The following MROH9 variants were observed in gnomAD, a reference collection of about 807,000 sequenced individuals.
MROH9 encodes the protein maestro heat like repeat family member 9.
Under a neutral mutation model 98.2 loss-of-function variants are expected in MROH9, and 92 were observed. The observed-to-expected ratio is 0.94, with a 90% CI of 0.79 to 1.11. MROH9 has a LOEUF of 1.11. Ranked by LOEUF, MROH9 falls within the 50% of genes most tolerant of loss-of-function variation. The pLI, the probability that MROH9 is intolerant of heterozygous loss-of-function variation, is 0.00. For synonymous variants in MROH9, 397 were observed against 368.9 expected (o/e 1.08, Z -0.87); for missense variants, 1,057 against 1,014.8 (o/e 1.04, Z -0.57).
At chr1:171,023,546 C>T (rs1652584875) in intron 17 of MROH9, among the ~76,000 whole-genome samples, 1 of 151,976 alleles carries the variant, frequency 6.6e-6, no homozygotes, top group African/African-American at 2.4e-5. Flanking sequence ...TCATTTTTCA[C>T]AGTTTTTTTA....
At chr1:171,058,513 T>C (rs760263303) in intron 20 of MROH9, among the ~76,000 whole-genome samples, 75 of 152,272 alleles carry the variant, frequency 4.9e-4, no homozygotes, top group Non-Finnish European at 8.7e-4. Flanking sequence ...TCATTTCATA[T>C]ATGATCAAAA....
intron 1 of MROH9, among the ~76,000 whole-genome samples, chr1:170,943,043 G>A (rs550159716): frequency 6.6e-6 from 1 of 152,032 alleles, no homozygotes. Flanking sequence ...TGATTCGGAA[G>A]TAGCCCATCT....
At chr1:170,947,830 T>A (rs1649392625) in intron 3 of MROH9, among the ~76,000 whole-genome samples, 1 of 152,020 alleles carries the variant, frequency 6.6e-6, no homozygotes, top group Non-Finnish European at 1.5e-5. Flanking sequence ...TTACCCATCC[T>A]ACTATTTATC....
At chr1:170,986,767 T>C in intron 10 of MROH9, 57 bp downstream of exon 10, 4 of 1,552,632 alleles carry the variant, frequency 2.6e-6, no homozygotes, top group Non-Finnish European at 3.5e-6. Context: ...ATGTGCATTT[T>C]TGCCTGTGTT....
intron 6 of MROH9, among the ~76,000 whole-genome samples, chr1:170,963,222 GA>G (rs530808869): frequency 2.7e-3 from 403 of 151,502 alleles, no homozygotes; most frequent in Middle Eastern, 6.8e-3. Context: ...ACAAGAATAT[GA>G]AAAAAAGCTC....
intron 14 of MROH9, 74 bp from the exon 15 acceptor site, chr1:170,998,080 A>G (rs1026004574): frequency 1.7e-5 from 19 of 1,130,242 alleles, no homozygotes; most frequent in Non-Finnish European, 2.3e-5. Flanking sequence ...ATATTAGAAT[A>G]ATGATTCTCT....
At chr1:171,012,696 G>T (rs1013140078) in intron 15 of MROH9, among the ~76,000 whole-genome samples, 2 of 151,656 alleles carry the variant, frequency 1.3e-5, no homozygotes, top group Non-Finnish European at 2.9e-5. Context: ...GTAGAGACGG[G>T]GTTTCACCAT....
At chr1:170,936,511 T>A (rs1648888072) in intron 1 of MROH9, among the ~76,000 whole-genome samples, 1 of 152,188 alleles carries the variant, frequency 6.6e-6, no homozygotes, top group Admixed American at 6.5e-5. Context: ...TAAATGCTAA[T>A]CTCTTCTGGA....
intron 11 of MROH9, 31 bp downstream of exon 11, chr1:170,990,034 C>G: frequency 6.3e-7 from 1 of 1,584,954 alleles, no homozygotes; most frequent in Non-Finnish European, 8.6e-7. Context: ...GTCCCTTCCA[C>G]AAGGGCTTGT....
At chr1:170,971,923 A>C in intron 8 of MROH9, 40 bp downstream of exon 8, 1 of 1,602,822 alleles carries the variant, frequency 6.2e-7, no homozygotes, top group Non-Finnish European at 8.5e-7. Context: ...ATTACTAAGA[A>C]TATGTCCCTC....
At chr1:170,961,392 C>T (rs1235806820) in intron 5 of MROH9, among the ~76,000 whole-genome samples, 1 of 152,108 alleles carries the variant, frequency 6.6e-6, no homozygotes, top group African/African-American at 2.4e-5. Flanking sequence ...TTAGCCAGGG[C>T]TATGTTCTTT....
chr1:171,017,723 G>A (rs1428027994), intron 17 of MROH9, among the ~76,000 whole-genome samples: 1 of 152,190 alleles, frequency 6.6e-6, no homozygotes. Flanking sequence ...GAGCCAGTGA[G>A]ACTGGATGGC....
At chr1:171,006,902 G>C (rs1007955720) in intron 15 of MROH9, among the ~76,000 whole-genome samples, 1 of 151,304 alleles carries the variant, frequency 6.6e-6, no homozygotes, top group Non-Finnish European at 1.5e-5. Flanking sequence ...GTGTTTTCTT[G>C]TATCTCATTG....
At chr1:170,948,659 T>A (rs61572121) in intron 3 of MROH9, among the ~76,000 whole-genome samples, 2,510 of 152,132 alleles carry the variant, frequency 0.016, 87 homozygotes, top group African/African-American at 0.058. Flanking sequence ...GGAGAGATTT[T>A]AAAAAATTCA....
At chr1:171,017,413 G>GT (rs1469669155) in intron 17 of MROH9, among the ~76,000 whole-genome samples, 1 of 152,046 alleles carries the variant, frequency 6.6e-6, no homozygotes, top group Non-Finnish European at 1.5e-5. Context: ...GGGAAAACGT[G>GT]TTTTTTCCAC....
intron 20 of MROH9, among the ~76,000 whole-genome samples, chr1:171,028,166 G>A (rs1039924597): frequency 2.0e-5 from 3 of 152,170 alleles, no homozygotes; most frequent in African/African-American, 7.2e-5. Flanking sequence ...AGGGTTTGGG[G>A]TTTTACATTA....
At chr1:170,938,645 A>T (rs1314191683) in intron 1 of MROH9, among the ~76,000 whole-genome samples, 1 of 152,254 alleles carries the variant, frequency 6.6e-6, no homozygotes, top group Non-Finnish European at 1.5e-5. Flanking sequence ...GTGTGGAATA[A>T]CATGATGGTG....
chr1:170,970,400 A>T (rs1650396872), intron 7 of MROH9, among the ~76,000 whole-genome samples: 1 of 151,850 alleles, frequency 6.6e-6, no homozygotes, highest in South Asian at 2.1e-4. Context: ...AAAAAAAAAA[A>T]ACTTGGAATG....
At chr1:171,050,166 G>C (rs55869649) in intron 20 of MROH9, among the ~76,000 whole-genome samples, 18,358 of 152,128 alleles carry the variant, frequency 0.12, 1,211 homozygotes, top group Middle Eastern at 0.22. Context: ...TTTTGTTTTT[G>C]TTGTGTTTTC....
Sources: gnomAD v4.1 joint callset for allele counts (sites outside exome capture counted in the v4.1 genomes callset) on GRCh38, gnomAD v4.1.1 for gene constraint, MANE v1.5 for transcripts, NCBI Gene and HGNC (gene_info 2026-07-23, HGNC 2026-07-21) for gene names.